VPS13B: variants seen among roughly 807,000 people sequenced by gnomAD.
The protein encoded by VPS13B is vacuolar protein sorting 13 homolog B.
A neutral mutation model predicts 426.4 loss-of-function variants in VPS13B; 285 were observed. The ratio of observed to expected loss-of-function variants is 0.67; its 90% CI spans 0.61 to 0.74. The LOEUF (loss-of-function observed/expected upper bound fraction) is 0.74, where lower values mean the gene tolerates loss of function less well. VPS13B is among the 30% of genes least tolerant of loss of function. VPS13B has a pLI of 0.00. For synonymous variants in VPS13B, 1,676 were observed against 1,676.4 expected (o/e 1.00, Z 0.01); for missense variants, 4,537 against 4,782.6 (o/e 0.95, Z 1.51).
At chr8:99,644,957 G>T (rs533092150) in intron 34 of VPS13B, among the ~76,000 whole-genome samples, 1 of 152,168 alleles carries the variant, frequency 6.6e-6, no homozygotes, top group Non-Finnish European at 1.5e-5. Flanking sequence ...TTAGAGATTA[G>T]GAAACTAAGG....
At chr8:99,133,262 A>G (rs1350169475) in intron 8 of VPS13B, among the ~76,000 whole-genome samples, 3 of 152,040 alleles carry the variant, frequency 2.0e-5, no homozygotes, top group Non-Finnish European at 2.9e-5. Flanking sequence ...TCATGAACAG[A>G]CCTCTGCTAC....
chr8:99,836,871 C>T (rs757073883), intron 54 of VPS13B, among the ~76,000 whole-genome samples: 1 of 152,216 alleles, frequency 6.6e-6, no homozygotes, highest in East Asian at 1.9e-4. Context: ...TGACTATCAT[C>T]TCCACGGAGG....
chr8:99,108,879 T>C (rs1374284255), intron 5 of VPS13B, among the ~76,000 whole-genome samples: 1 of 152,146 alleles, frequency 6.6e-6, no homozygotes, highest in Non-Finnish European at 1.5e-5. Flanking sequence ...AGTATGGAAA[T>C]GATTTTGGAA....
At chr8:99,654,061 T>A (rs988730610) in intron 34 of VPS13B, among the ~76,000 whole-genome samples, 7 of 151,400 alleles carry the variant, frequency 4.6e-5, no homozygotes, top group South Asian at 2.1e-4. Context: ...TTATATATAT[T>A]TTTTTGGGAC....
intron 44 of VPS13B, among the ~76,000 whole-genome samples, chr8:99,810,588 A>G (rs1813646244): frequency 6.6e-6 from 1 of 152,238 alleles, no homozygotes; most frequent in African/African-American, 2.4e-5. Context: ...CTAGCAGAGG[A>G]GTCTCAGAAA....
At chr8:99,718,992 C>T (rs1247080046) in intron 37 of VPS13B, among the ~76,000 whole-genome samples, 3 of 152,126 alleles carry the variant, frequency 2.0e-5, no homozygotes, top group Non-Finnish European at 4.4e-5. Flanking sequence ...CTCAAGTTTT[C>T]ACCAGTTTCC....
rs1563838948 is a variant in VPS13B, at chr8:99,640,056, GAAAAGAAAAGAAAAGAA to G, written c.5221-1752_5221-1736del. ...GAAGAAGAAGAAGAAGAAGAGAAAAGAAAAGAAAAGAAAAGAAAAGAAAAGAAAAGAAAAGAAAAGAA... is the reference window on the plus strand; with the variant it reads ...GAAGAAGAAGAAGAAGAAGAGAAAAGAAGAAAAGAAAAGAAAAGAAAAGAA... On this transcript the variant is annotated intron_variant, in intron 33 of 61. Transcript: ENST00000357162. Among the ~76,000 whole-genome samples, 547 of 95,152 alleles carry G rather than the reference GAAAAGAAAAGAAAAGAA, an allele frequency of 5.7e-3. 8 individuals carry two copies. The highest frequency in any genetic ancestry group is 6.2e-3 in the Non-Finnish European group (310 of 49,902). 62.4% of individuals were successfully genotyped at this position (95,152 alleles called of 152,430 possible).
chr8:99,842,013 C>T (rs1815712253), intron 54 of VPS13B, among the ~76,000 whole-genome samples: 1 of 152,162 alleles, frequency 6.6e-6, no homozygotes, highest in Admixed American at 6.5e-5. Flanking sequence ...TCCTGTTCCC[C>T]CTCTACAGGC....
At chr8:99,735,754 A>G (rs982882292) in intron 39 of VPS13B, among the ~76,000 whole-genome samples, 1 of 152,240 alleles carries the variant, frequency 6.6e-6, no homozygotes, top group Non-Finnish European at 1.5e-5. Flanking sequence ...TGGAGGCAAC[A>G]GTGTCAGGAA....
intron 21 of VPS13B, among the ~76,000 whole-genome samples, chr8:99,413,612 G>A (rs183741361): frequency 1.7e-4 from 26 of 152,180 alleles, no homozygotes; most frequent in South Asian, 6.2e-4. Flanking sequence ...CTGTATCCCC[G>A]AGATTCTGGT....
intron 3 of VPS13B, among the ~76,000 whole-genome samples, chr8:99,074,766 G>A (rs1002312245): frequency 6.6e-6 from 1 of 151,982 alleles, no homozygotes; most frequent in Non-Finnish European, 1.5e-5. Flanking sequence ...CTCCTGAGTA[G>A]CTGGGACTAC....
chr8:99,622,046 G>A (rs562176038), intron 33 of VPS13B, among the ~76,000 whole-genome samples: 1 of 151,746 alleles, frequency 6.6e-6, no homozygotes, highest in African/African-American at 2.4e-5. Flanking sequence ...TGGTCAGGCT[G>A]GTCTCAAACA....
chr8:99,869,479 C>T (rs760385193), intron 59 of VPS13B, among the ~76,000 whole-genome samples: 16 of 152,188 alleles, frequency 1.1e-4, no homozygotes, highest in South Asian at 2.1e-4. Flanking sequence ...ACCACACAGA[C>T]GCCAGCATGT....
chr8:99,138,962 T>C (rs1004352230), intron 12 of VPS13B, among the ~76,000 whole-genome samples: 1 of 152,202 alleles, frequency 6.6e-6, no homozygotes, highest in Admixed American at 6.5e-5. Flanking sequence ...ACATGATTTA[T>C]GTTTGTTAGA....
chr8:99,323,939 G>A (rs1810111837), intron 19 of VPS13B, among the ~76,000 whole-genome samples: 1 of 152,152 alleles, frequency 6.6e-6, no homozygotes, highest in African/African-American at 2.4e-5. Flanking sequence ...TTAACCTGAC[G>A]TTTTGTGGTT....
Position 99,481,631 on chromosome 8 carries a change from G to GAATA in VPS13B, c.3701_3704dup (p.Val1236Ter). The GAATA allele has an allele frequency of 6.2e-7, 1 of 1,613,738 alleles. No individual in the cohort carries two copies. Among genetic ancestry groups the GAATA allele is most frequent in the East Asian group, 2.2e-5 (1 of 44,864 alleles). Reference sequence around the variant, plus strand: ...TCTTCTATGAACTAACTGATATCATGAATAAGGTCTGGAACAAGATTCAGA... The same window carrying GAATA: ...TCTTCTATGAACTAACTGATATCATGAATAAATAAGGTCTGGAACAAGATTCAGA... On this transcript the variant is annotated frameshift_variant, in exon 25 of 62. Transcript: ENST00000357162. LOFTEE classifies it high-confidence loss of function.
chr8:99,413,179 A>G (rs1278443090), intron 21 of VPS13B, among the ~76,000 whole-genome samples: 4 of 151,544 alleles, frequency 2.6e-5, no homozygotes, highest in Admixed American at 6.6e-5. Flanking sequence ...CTTTGAATCC[A>G]TAGGGTCCTG....
intron 19 of VPS13B, among the ~76,000 whole-genome samples, chr8:99,360,936 T>C (rs1424045430): frequency 2.6e-5 from 4 of 152,254 alleles, no homozygotes; most frequent in Non-Finnish European, 5.9e-5. Context: ...TAGGATATTA[T>C]TGTCCTTTGA....
At chr8:99,124,883 A>AAT (rs1848123629) in intron 8 of VPS13B, among the ~76,000 whole-genome samples, 1 of 11,368 alleles carries the variant, frequency 8.8e-5, no homozygotes, top group East Asian at 1.1e-3. Flanking sequence ...ACTCCGTCTC[A>AAT]AAAAAAAAAA....
Sources: allele counts gnomAD v4.1 joint callset (sites outside exome capture counted in the v4.1 genomes callset), GRCh38; gene constraint gnomAD v4.1.1; transcripts MANE v1.5; gene names NCBI Gene and HGNC (gene_info 2026-07-23, HGNC 2026-07-21).